Variants in LSAMP observed in about 807,000 individuals in gnomAD.
The protein encoded by LSAMP is limbic system associated membrane protein, also known as limbic system-associated membrane protein.
In LSAMP, 7 loss-of-function variants were observed where a neutral mutation model predicts 38.6. The observed-to-expected ratio is 0.18, with a 90% CI of 0.10 to 0.34. The LOEUF is 0.34. Ranked by LOEUF, LSAMP falls within the 10% of genes least tolerant of loss-of-function variation. The pLI is 1.00. For missense variants in LSAMP, 313 were observed against 420.0 expected (o/e 0.75, Z 2.23); for synonymous variants, 154 against 166.8 (o/e 0.92, Z 0.59).
At chr3:116,019,095 T>C (rs1940563024) in intron 3 of LSAMP, among the ~76,000 whole-genome samples, 1 of 149,166 alleles carries the variant, frequency 6.7e-6, no homozygotes, top group Non-Finnish European at 1.5e-5. Flanking sequence ...ATCACCAAAC[T>C]GGCATGTATT....
At chr3:116,096,983 T>C (rs1708238770) in intron 1 of LSAMP, among the ~76,000 whole-genome samples, 1 of 152,256 alleles carries the variant, frequency 6.6e-6, no homozygotes, top group Admixed American at 6.5e-5. Context: ...GCTTTTGTTT[T>C]GATTCTCCCT....
intron 2 of LSAMP, among the ~76,000 whole-genome samples, chr3:116,030,909 G>T (rs1192572428): frequency 6.6e-6 from 1 of 152,082 alleles, no homozygotes; most frequent in East Asian, 1.9e-4. Context: ...AAGCCAGTAG[G>T]ATTTAGCCCT....
intron 1 of LSAMP, among the ~76,000 whole-genome samples, chr3:116,391,324 C>A (rs6775240): frequency 0.15 from 23,554 of 152,092 alleles, 2,176 homozygotes; most frequent in African/African-American, 0.25. Flanking sequence ...TCCCCGAGGC[C>A]GCTGACTGCG....
intron 3 of LSAMP, among the ~76,000 whole-genome samples, chr3:115,895,197 T>C (rs539047368): frequency 6.6e-6 from 1 of 152,106 alleles, no homozygotes; most frequent in Non-Finnish European, 1.5e-5. Flanking sequence ...GTCACAGCTC[T>C]TGTTATCAGA....
At chr3:116,395,636 T>C (rs1202165973) in intron 1 of LSAMP, among the ~76,000 whole-genome samples, 1 of 152,116 alleles carries the variant, frequency 6.6e-6, no homozygotes, top group African/African-American at 2.4e-5. Flanking sequence ...CAGTATTATC[T>C]CTAGAGAAAG....
Position 116,102,785 on chromosome 3 carries a change from A to ATCTATCTGTCTGTCTGTCTG in LSAMP, c.156-16230_156-16229insCAGACAGACAGACAGATAGA, listed in dbSNP as rs562864883. On this transcript the variant is annotated intron_variant, in intron 1 of 6. Coordinates refer to ENST00000490035, the MANE Select transcript of LSAMP (RefSeq NM_002338.5). ...TAAAATTTTATCTATCTATCTATCT[A>ATCTATCTGTCTGTCTGTCTG]TCTGTCTGTCTGTCTGTCTATCTTC... 4.5e-3 allele frequency among the ~76,000 whole-genome samples: 677 copies of ATCTATCTGTCTGTCTGTCTG among 151,794 alleles called. 4 individuals carry two copies. Among genetic ancestry groups the ATCTATCTGTCTGTCTGTCTG allele is most frequent in the African/African-American group, 0.015 (605 of 41,218 alleles).
Position 116,164,591 on chromosome 3 carries a change from ATAT to A in LSAMP, c.156-78038_156-78036del, listed in dbSNP as rs1396315649. Among the ~76,000 whole-genome samples, 8 of 99,086 alleles carry A rather than the reference ATAT, an allele frequency of 8.1e-5. No individual in the cohort carries two copies. In the East Asian group the frequency reaches 1.0e-3, roughly 12 times the overall value. The allele number at this position is 99,086 out of a possible 152,430, so 65.0% of individuals were successfully genotyped here. ...AATCCAAATATATATATATATATAT[ATAT>A]AATCCAAATATATATATATATATAT... On this transcript the variant is annotated intron_variant, in intron 1 of 6. Transcript: ENST00000490035.
intron 3 of LSAMP, among the ~76,000 whole-genome samples, chr3:115,895,882 G>A (rs992445052): frequency 6.6e-6 from 1 of 152,024 alleles, no homozygotes; most frequent in African/African-American, 2.4e-5. Flanking sequence ...TTTCTTAAAT[G>A]TGTCACACAT....
At chr3:116,010,685 CAAG>C (rs1940298954) in intron 3 of LSAMP, among the ~76,000 whole-genome samples, 1 of 152,158 alleles carries the variant, frequency 6.6e-6, no homozygotes, top group East Asian at 1.9e-4. Context: ...TAACTCAAGG[CAAG>C]AAGAATCTGA....
At chr3:115,942,479 CTGTGG>C (rs1398898949) in intron 3 of LSAMP, among the ~76,000 whole-genome samples, 4 of 152,146 alleles carry the variant, frequency 2.6e-5, no homozygotes, top group Admixed American at 6.6e-5. Flanking sequence ...TACAGAAACA[CTGTGG>C]AGTGAAAAAT....
intron 1 of LSAMP, among the ~76,000 whole-genome samples, chr3:116,257,424 A>G (rs1257578739): frequency 6.6e-6 from 1 of 151,804 alleles, no homozygotes; most frequent in East Asian, 1.9e-4. Context: ...GCTTTTTAAC[A>G]TTGTTTGGAT....
At chr3:115,873,492 AAG>A (rs1237665699) in intron 3 of LSAMP, among the ~76,000 whole-genome samples, 1 of 152,168 alleles carries the variant, frequency 6.6e-6, no homozygotes, top group Admixed American at 6.5e-5. Flanking sequence ...TCTAGAAAAT[AAG>A]AGAAAAAAGG....
At chr3:116,148,335 A>T (rs1709534004) in intron 1 of LSAMP, among the ~76,000 whole-genome samples, 1 of 151,978 alleles carries the variant, frequency 6.6e-6, no homozygotes, top group African/African-American at 2.4e-5. Flanking sequence ...AATGTCACAC[A>T]GGTGACTCCT....
At chr3:115,869,291 A>ACTGACT (rs1023580767) in intron 3 of LSAMP, among the ~76,000 whole-genome samples, 1 of 151,876 alleles carries the variant, frequency 6.6e-6, no homozygotes, top group African/African-American at 2.4e-5. Context: ...AGAGAGAGAG[A>ACTGACT]GAGAGAGAGA....
At chr3:115,811,079 G>A (rs1223721594) in intron 6 of LSAMP, among the ~76,000 whole-genome samples, 3 of 152,108 alleles carry the variant, frequency 2.0e-5, no homozygotes, top group East Asian at 1.9e-4. Flanking sequence ...AAACAAAGAC[G>A]ATAACAACAA....
intron 3 of LSAMP, among the ~76,000 whole-genome samples, chr3:115,924,869 G>A (rs1937463015): frequency 6.6e-6 from 1 of 152,128 alleles, no homozygotes; most frequent in African/African-American, 2.4e-5. Context: ...CTTAGATCCA[G>A]GCTAGAAAAT....
intron 3 of LSAMP, among the ~76,000 whole-genome samples, chr3:115,933,975 GA>G (rs150776400): frequency 0.019 from 2,905 of 152,226 alleles, 96 homozygotes; most frequent in African/African-American, 0.066. Context: ...GCATTAAAAG[GA>G]AAGGAGGATT....
At chr3:116,116,950 T>C (rs1446089554) in intron 1 of LSAMP, among the ~76,000 whole-genome samples, 1 of 152,144 alleles carries the variant, frequency 6.6e-6, no homozygotes, top group Non-Finnish European at 1.5e-5. Context: ...CACCATGGGC[T>C]GAACAGCATG....
At chr3:116,030,550 C>T (rs908919304) in intron 2 of LSAMP, among the ~76,000 whole-genome samples, 19 of 152,068 alleles carry the variant, frequency 1.2e-4, no homozygotes, top group Non-Finnish European at 2.5e-4. Flanking sequence ...CTTTCCTTTA[C>T]CTAGGCAAAA....
Sources: gnomAD v4.1 joint callset for allele counts (sites outside exome capture counted in the v4.1 genomes callset) on GRCh38, gnomAD v4.1.1 for gene constraint, MANE v1.5 for transcripts, NCBI Gene and HGNC (gene_info 2026-07-23, HGNC 2026-07-21) for gene names.